PRKN: variants seen among roughly 807,000 people sequenced by gnomAD.
PRKN encodes E3 ubiquitin-protein ligase parkin.
A neutral mutation model predicts 59.5 loss-of-function variants in PRKN; 56 were observed. The observed-to-expected ratio is 0.94, with a 90% CI of 0.76 to 1.18. The LOEUF (loss-of-function observed/expected upper bound fraction) is 1.18. Ranked by LOEUF, PRKN falls within the 50% of genes most tolerant of loss-of-function variation. The probability of loss-of-function intolerance (pLI) is 0.00; values close to 1 mark genes in which losing one functional copy is unlikely to be tolerated. For synonymous variants in PRKN, 250 were observed against 222.1 expected (o/e 1.13, Z -1.12); for missense variants, 657 against 596.4 (o/e 1.10, Z -1.06).
At chr6:162,154,929 A>G (rs1782439137) in intron 4 of PRKN, among the ~76,000 whole-genome samples, 1 of 151,806 alleles carries the variant, frequency 6.6e-6, no homozygotes, top group Admixed American at 6.6e-5. Flanking sequence ...CAGGTTACCA[A>G]AATGAAGGAC....
At chr6:162,080,528 T>C (rs1376455520) in intron 4 of PRKN, among the ~76,000 whole-genome samples, 3 of 152,138 alleles carry the variant, frequency 2.0e-5, no homozygotes, top group African/African-American at 7.2e-5. Flanking sequence ...TGCACTATAC[T>C]GTAGTTTGTT....
In PRKN at chr6:161,551,713, T is replaced by G. The variant is rs73782925; in HGVS notation, c.934-2710A>C. On this transcript the variant is annotated intron_variant, in intron 8 of 11. Coordinates refer to ENST00000366898, the MANE Select transcript of PRKN (RefSeq NM_004562.3). This position sits in a 1 kb window ranked among gnomAD's most constrained non-coding sequence, Gnocchi z 5.2. Reference sequence around the variant, plus strand: ...AGAATAGACACTTTTTTAAAGGAGTTTGCCAGTAAAAGGGAGCAGAGATCG... The same window carrying G: ...AGAATAGACACTTTTTTAAAGGAGTGTGCCAGTAAAAGGGAGCAGAGATCG... Among the ~76,000 whole-genome samples, 14 of 152,026 alleles carry G rather than the reference T, an allele frequency of 9.2e-5. No homozygotes were observed. The highest frequency in any genetic ancestry group is 2.9e-4 in the African/African-American group (12 of 41,390).
At position 162,272,999 on chromosome 6, in the gene PRKN, G is replaced by GAAA. The variant is rs548215878; in HGVS notation, c.172-10237_172-10235dup. Among the ~76,000 whole-genome samples the GAAA allele has an allele frequency of 1.5e-3, 83 of 54,950 alleles. 1 individual carries two copies. The highest frequency in any genetic ancestry group is 0.014 in the East Asian group (30 of 2,142). The allele number at this position is 54,950 out of a possible 152,430, so 36.0% of individuals were successfully genotyped here. A position where few individuals can be genotyped will look rare whatever the true frequency, so the allele number is the denominator to read the frequency against. On this transcript the variant is annotated intron_variant, in intron 2 of 11. Coordinates refer to ENST00000366898, the MANE Select transcript of PRKN (RefSeq NM_004562.3). ...TGGGTGACAGAGTAAGCCTGTGTCT[G>GAAA]AAAAAAAAAAAAAAAAAAAAGGAAA...
At chr6:162,577,798 G>A (rs1423026061) in intron 1 of PRKN, among the ~76,000 whole-genome samples, 1 of 152,016 alleles carries the variant, frequency 6.6e-6, no homozygotes, top group African/African-American at 2.4e-5. Flanking sequence ...GCAAGATGGT[G>A]CATGCCTGTA....
At chr6:162,577,942 T>C (rs73593991) in intron 1 of PRKN, among the ~76,000 whole-genome samples, 3,137 of 152,224 alleles carry the variant, frequency 0.021, 108 homozygotes, top group African/African-American at 0.07. Context: ...AACCTATAAT[T>C]AATTTAAAAA....
At chr6:162,544,672 A>ATTTTTTTTTTTTTTTTTTTTTTTTTGTTG (rs11296683) in intron 1 of PRKN, among the ~76,000 whole-genome samples, 1 of 71,510 alleles carries the variant, frequency 1.4e-5, no homozygotes. Flanking sequence ...TTTATTGTTG[A>ATTTTTTTTTTTTTTTTTTTTTTTTTGTTG]TTTTTTTTTT....
chr6:161,940,921 C>T (rs1040470796), intron 6 of PRKN, among the ~76,000 whole-genome samples: 3 of 152,164 alleles, frequency 2.0e-5, no homozygotes, highest in Non-Finnish European at 2.9e-5. Context: ...AGGTTCTCCC[C>T]GCACACACCA....
intron 6 of PRKN, among the ~76,000 whole-genome samples, chr6:161,910,721 TG>T (rs1177885738): frequency 6.6e-6 from 1 of 152,142 alleles, no homozygotes; most frequent in Non-Finnish European, 1.5e-5. Context: ...AAGACTCAAT[TG>T]ATGTGGCACA....
chr6:162,253,647 T>C (rs1229980845), intron 3 of PRKN, among the ~76,000 whole-genome samples: 1 of 152,124 alleles, frequency 6.6e-6, no homozygotes, highest in East Asian at 1.9e-4. Flanking sequence ...GAATTCTTGG[T>C]CCACCTTTCC....
At chr6:161,872,076 G>T (rs758957430) in intron 6 of PRKN, among the ~76,000 whole-genome samples, 40 of 152,058 alleles carry the variant, frequency 2.6e-4, no homozygotes, top group African/African-American at 8.9e-4. Flanking sequence ...CACAGCAGAC[G>T]CATTTCAGCC....
At chr6:161,574,708 A>G (rs1326959674) in intron 7 of PRKN, among the ~76,000 whole-genome samples, 1 of 152,210 alleles carries the variant, frequency 6.6e-6, no homozygotes, top group African/African-American at 2.4e-5. Flanking sequence ...CTATAATAGA[A>G]GTGTTTGGAC....
chr6:161,475,699 T>C lies in PRKN; in HGVS notation c.1083+73155A>G, dbSNP rs1040622713. Among the ~76,000 whole-genome samples the C allele has an allele frequency of 2.0e-5, 3 of 152,024 alleles. No individual in the cohort carries two copies. Among genetic ancestry groups the C allele is most frequent in the Admixed American group, 6.6e-5 (1 of 15,262 alleles). On this transcript the variant is annotated intron_variant, in intron 9 of 11. Coordinates refer to ENST00000366898, the MANE Select transcript of PRKN (RefSeq NM_004562.3). This position sits in a 1 kb window ranked among gnomAD's most constrained non-coding sequence, Gnocchi z 5.3. ...CATGTTGCCGAGGCTGGTCTTGAAC[T>C]CCTGAGCTCAAGGAATCTGCTCGCC...
chr6:161,421,443 G>C (rs908620909), intron 9 of PRKN, among the ~76,000 whole-genome samples: 2 of 152,162 alleles, frequency 1.3e-5, no homozygotes, highest in African/African-American at 4.8e-5. Flanking sequence ...CCAATGTCCT[G>C]AGTTCATGCA....
chr6:162,663,971 C>T (rs190767557), intron 1 of PRKN, among the ~76,000 whole-genome samples: 3 of 151,926 alleles, frequency 2.0e-5, no homozygotes, highest in Admixed American at 6.6e-5. Context: ...CAGGTATACA[C>T]GTTCTGGTAC....
At chr6:162,097,678 T>C (rs1779801273) in intron 4 of PRKN, among the ~76,000 whole-genome samples, 1 of 152,188 alleles carries the variant, frequency 6.6e-6, no homozygotes, top group Admixed American at 6.5e-5. Context: ...TAGTAAAAAA[T>C]GTGAGCACAC....
intron 2 of PRKN, among the ~76,000 whole-genome samples, chr6:162,403,719 G>A (rs1415551192): frequency 6.6e-6 from 1 of 152,168 alleles, no homozygotes; most frequent in Non-Finnish European, 1.5e-5. Context: ...ACTGGATCAA[G>A]TTCCAAAGCA....
intron 2 of PRKN, among the ~76,000 whole-genome samples, chr6:162,358,886 C>T (rs1784997035): frequency 6.6e-6 from 1 of 151,356 alleles, no homozygotes; most frequent in South Asian, 2.1e-4. Flanking sequence ...ATGGTGAAAC[C>T]TCCTATCTAC....
At chr6:162,279,056 T>A (rs1349292880) in intron 2 of PRKN, among the ~76,000 whole-genome samples, 2 of 151,932 alleles carry the variant, frequency 1.3e-5, no homozygotes, top group Non-Finnish European at 2.9e-5. Flanking sequence ...GTTGGCGAGG[T>A]GAGGTGGCTC....
chr6:162,110,545 G>T (rs1454883141), intron 4 of PRKN, among the ~76,000 whole-genome samples: 1 of 152,110 alleles, frequency 6.6e-6, no homozygotes, highest in African/African-American at 2.4e-5. Context: ...AATCTTTCTG[G>T]TTTTTTGGAA....
Sources: allele counts gnomAD v4.1 joint callset (sites outside exome capture counted in the v4.1 genomes callset), GRCh38; gene constraint gnomAD v4.1.1; non-coding constraint Gnocchi (gnomAD v3.1); transcripts MANE v1.5; gene names NCBI Gene and HGNC (gene_info 2026-07-23, HGNC 2026-07-21).